SETDB2: variants seen among roughly 807,000 people sequenced by gnomAD.
SETDB2 encodes the protein histone-lysine N-methyltransferase SETDB2.
A neutral mutation model predicts 82.5 loss-of-function variants in SETDB2; 56 were observed. The ratio of observed to expected loss-of-function variants is 0.68; its 90% CI spans 0.55 to 0.85. The LOEUF (loss-of-function observed/expected upper bound fraction) is 0.85, where lower values mean the gene tolerates loss of function less well. Among genes scored for constraint, SETDB2 ranks in the 40% least tolerant of loss-of-function variants. SETDB2 has a pLI of 0.00. For missense variants in SETDB2, 677 were observed against 816.4 expected, an observed-to-expected ratio of 0.83 and a Z score of 2.08; for synonymous variants, 272 against 284.9, an observed-to-expected ratio of 0.95 and a Z score of 0.46.
At chr13:49,471,734 C>T (rs1309328989) in intron 5 of SETDB2, among the ~76,000 whole-genome samples, 1 of 151,462 alleles carries the variant, frequency 6.6e-6, no homozygotes, top group African/African-American at 2.4e-5. Flanking sequence ...GAAAATGTAA[C>T]ACAGCAGGCC....
intron 2 of SETDB2, 97 bp downstream of exon 2, chr13:49,452,006 G>A (rs966262474): frequency 1.7e-5 from 15 of 872,370 alleles, no homozygotes; most frequent in Admixed American, 1.2e-4. Context: ...TTTGCATTGC[G>A]AGGAACTTTT....
intron 2 of SETDB2, among the ~76,000 whole-genome samples, chr13:49,452,494 A>G (rs1957804497): frequency 6.6e-6 from 1 of 152,220 alleles, no homozygotes. Flanking sequence ...CCTGGTACTT[A>G]GCTTTATCTA....
chr13:49,485,797 C>T (rs751780287), intron 11 of SETDB2, 74 bp downstream of exon 11: 19 of 1,175,782 alleles, frequency 1.6e-5, no homozygotes, highest in Non-Finnish European at 2.4e-5. Flanking sequence ...ACCTGTAGCT[C>T]ATTTTCTTAG....
chr13:49,473,551 CAAAA>C (rs769808278), intron 5 of SETDB2, among the ~76,000 whole-genome samples: 4 of 61,566 alleles, frequency 6.5e-5, no homozygotes, highest in Admixed American at 3.5e-4. Context: ...ACCCTGTCTC[CAAAA>C]AAAAAAAAAA....
chr13:49,445,398 A>T (rs1345267820), intron 1 of SETDB2, among the ~76,000 whole-genome samples: 1 of 152,242 alleles, frequency 6.6e-6, no homozygotes, highest in East Asian at 1.9e-4. Context: ...GAAGCAAAGC[A>T]GACTGGCTTA....
In SETDB2 at chr13:49,460,405, CT is replaced by C. The variant is rs1223418983; in HGVS notation, c.142+182del. On this transcript the variant is annotated intron_variant, in intron 3 of 13. Coordinates refer to ENST00000611815, the MANE Select transcript of SETDB2 (RefSeq NM_001160308.3). Reference sequence around the variant, plus strand: ...CAAGCTACTTTTTTCCCTCATTTATCTTTTTTTTTAGGGGAATGTTGCAAAA... The same window carrying C: ...CAAGCTACTTTTTTCCCTCATTTATCTTTTTTTTAGGGGAATGTTGCAAAA... Among the ~76,000 whole-genome samples, 6 of 150,662 alleles carry C rather than the reference CT, an allele frequency of 4.0e-5. No individual in the cohort carries two copies. The East Asian group carries it at 7.8e-4, about 19-fold the overall frequency.
intron 6 of SETDB2, 30 bp from the exon 7 acceptor site, chr13:49,480,189 T>A (rs756343468): frequency 3.5e-6 from 5 of 1,447,266 alleles, no homozygotes; most frequent in Non-Finnish European, 4.8e-6. Context: ...TGCTTTTTCA[T>A]TCTTTCTCCA....
At chr13:49,473,577 A>G (rs557399202) in intron 5 of SETDB2, among the ~76,000 whole-genome samples, 15 of 149,994 alleles carry the variant, frequency 1.0e-4, no homozygotes, top group Admixed American at 8.1e-4. Flanking sequence ...AAAAAAATTC[A>G]TAGGCAAAAT....
intron 1 of SETDB2, chr13:49,445,460 G>C (rs1415743395): frequency 6.6e-6 from 1 of 152,132 alleles, no homozygotes; most frequent in African/African-American, 2.4e-5. Context: ...AGTTTTTTAA[G>C]CCCATTTACT....
At chr13:49,456,274 ATACT>A (rs1566156547) in intron 2 of SETDB2, among the ~76,000 whole-genome samples, 1 of 152,094 alleles carries the variant, frequency 6.6e-6, no homozygotes, top group African/African-American at 2.4e-5. Flanking sequence ...TATTTCATAA[ATACT>A]TGGCTAGCAA....
chr13:49,484,947 A>C (rs1958565061), intron 10 of SETDB2, among the ~76,000 whole-genome samples: 1 of 152,220 alleles, frequency 6.6e-6, no homozygotes, highest in Non-Finnish European at 1.5e-5. Context: ...CTCCATACAT[A>C]CATTTCTTTT....
intron 10 of SETDB2, 135 bp from the exon 11 acceptor site, chr13:49,485,495 A>G: frequency 1.5e-6 from 1 of 657,658 alleles, no homozygotes; most frequent in Non-Finnish European, 2.7e-6. Context: ...ACTCCTTATG[A>G]TATCAGCTTT....
intron 2 of SETDB2, among the ~76,000 whole-genome samples, chr13:49,459,334 A>T (rs1403267997): frequency 1.3e-5 from 2 of 152,144 alleles, no homozygotes; most frequent in African/African-American, 4.8e-5. Context: ...CTACTCATTA[A>T]TCCTCCCTGT....
intron 9 of SETDB2, 27 bp from the exon 10 acceptor site, chr13:49,483,437 A>T: frequency 2.1e-6 from 2 of 940,720 alleles, no homozygotes; most frequent in Non-Finnish European, 3.2e-6. Flanking sequence ...TTTTAGTGAT[A>T]CAGAATAACT....
At chr13:49,488,942 A>C (rs1448976470) in intron 12 of SETDB2, 1 of 197,078 alleles carries the variant, frequency 5.1e-6, no homozygotes, top group Non-Finnish European at 1.0e-5. Context: ...GTGTATAAGA[A>C]AAGTATTTAA....
At chr13:49,447,843 T>C (rs768278714) in intron 1 of SETDB2, among the ~76,000 whole-genome samples, 17 of 152,246 alleles carry the variant, frequency 1.1e-4, no homozygotes, top group Admixed American at 2.0e-4. Context: ...GTTATACTTA[T>C]CTCATAAAAA....
rs542202601 is a variant in SETDB2, at chr13:49,448,925, C to T, written c.-341-2628C>T. Among the ~76,000 whole-genome samples the T allele has an allele frequency of 8.5e-5, 13 of 152,296 alleles. No homozygotes were observed. In the South Asian group the frequency reaches 2.3e-3, roughly 27 times the overall value. ...GTGATGTTATTTGTACATAAAGGGTCATGAATATTAAATCTGGTGAATTGT... is the reference window on the plus strand; with the variant it reads ...GTGATGTTATTTGTACATAAAGGGTTATGAATATTAAATCTGGTGAATTGT... On this transcript the variant is annotated intron_variant, in intron 1 of 13. Transcript: ENST00000611815.
chr13:49,460,402 T>G (rs1957969434), intron 3 of SETDB2, among the ~76,000 whole-genome samples, 170 bp downstream of exon 3: 1 of 152,194 alleles, frequency 6.6e-6, no homozygotes, highest in Non-Finnish European at 1.5e-5. Flanking sequence ...TTCCCTCATT[T>G]ATCTTTTTTT....
chr13:49,475,908 C>A (rs1186458747), intron 5 of SETDB2, among the ~76,000 whole-genome samples: 1 of 151,980 alleles, frequency 6.6e-6, no homozygotes, highest in Non-Finnish European at 1.5e-5. Context: ...TAAGTTGGTA[C>A]TATTGTTGAA....
Sources: allele counts gnomAD v4.1 joint callset (sites outside exome capture counted in the v4.1 genomes callset), GRCh38; gene constraint gnomAD v4.1.1; transcripts MANE v1.5; gene names NCBI Gene and HGNC (gene_info 2026-07-23, HGNC 2026-07-21).